The following FYN variants were observed in gnomAD, a reference collection of about 807,000 sequenced individuals.
FYN encodes FYN proto-oncogene, Src family tyrosine kinase.
Under a neutral mutation model 70.2 loss-of-function variants are expected in FYN, and 10 were observed. The ratio of observed to expected loss-of-function variants is 0.14; its 90% CI spans 0.09 to 0.24. The LOEUF (loss-of-function observed/expected upper bound fraction) is 0.24, where lower values mean the gene tolerates loss of function less well. Among genes scored for constraint, FYN ranks in the 10% least tolerant of loss-of-function variants. The pLI is 1.00. For missense variants in FYN, 319 were observed against 673.1 expected (o/e 0.47, Z 5.82); for synonymous variants, 236 against 248.6 (o/e 0.95, Z 0.48).
chr6:111,754,666 T>G (rs895116340), intron 3 of FYN: 1 of 152,216 alleles, frequency 6.6e-6, no homozygotes, highest in Non-Finnish European at 1.5e-5. Flanking sequence ...TCGCTCATTC[T>G]CATTTGCTTT....
At chr6:111,831,484 G>T (rs1773015796) in intron 2 of FYN, among the ~76,000 whole-genome samples, 1 of 152,064 alleles carries the variant, frequency 6.6e-6, no homozygotes, top group East Asian at 1.9e-4. Flanking sequence ...TAGCACAAGG[G>T]TACCTGGCTC....
intron 5 of FYN, chr6:111,708,279 T>G: frequency 2.6e-6 from 1 of 378,986 alleles, no homozygotes; most frequent in South Asian, 3.9e-5. Flanking sequence ...CCATGAGAAG[T>G]CTCTCTTGGT....
chr6:111,850,877 C>T (rs1161961865), intron 1 of FYN, among the ~76,000 whole-genome samples: 1 of 152,204 alleles, frequency 6.6e-6, no homozygotes, highest in African/African-American at 2.4e-5. Flanking sequence ...CAGACAAGGC[C>T]CTCTGTTGTG....
chr6:111,692,733 T>G (rs1468994818), intron 12 of FYN, among the ~76,000 whole-genome samples: 1 of 152,212 alleles, frequency 6.6e-6, no homozygotes, highest in East Asian at 1.9e-4. Context: ...TCTCACAACC[T>G]TTGCCCACTC....
intron 13 of FYN, 123 bp from the exon 14 acceptor site, chr6:111,662,070 T>G: frequency 1.4e-6 from 1 of 731,258 alleles, no homozygotes; most frequent in Non-Finnish European, 2.2e-6. Flanking sequence ...AGTACTCCCA[T>G]CCCCCCAGGA....
intron 12 of FYN, among the ~76,000 whole-genome samples, chr6:111,690,260 T>C (rs1799257286): frequency 6.6e-6 from 1 of 152,000 alleles, no homozygotes; most frequent in South Asian, 2.1e-4. Flanking sequence ...GGGAAGAAGG[T>C]GCAGTGGTGG....
intron 1 of FYN, among the ~76,000 whole-genome samples, chr6:111,859,484 T>A (rs2114514768): frequency 6.6e-6 from 1 of 152,316 alleles, no homozygotes; most frequent in African/African-American, 2.4e-5. Context: ...CACTCTCCCT[T>A]CTTCAAATCT....
At chr6:111,732,126 C>G (rs1745898685) in intron 3 of FYN, among the ~76,000 whole-genome samples, 1 of 152,210 alleles carries the variant, frequency 6.6e-6, no homozygotes, top group South Asian at 2.1e-4. Flanking sequence ...TACTTAACAC[C>G]TGATGGAAAC....
At chr6:111,697,931 A>G (rs891210399) in intron 9 of FYN, among the ~76,000 whole-genome samples, 1 of 152,244 alleles carries the variant, frequency 6.6e-6, no homozygotes, top group Admixed American at 6.5e-5. Context: ...AGGAGGTCAT[A>G]TATTTTACGA....
intron 13 of FYN, among the ~76,000 whole-genome samples, chr6:111,668,559 G>A (rs9487704): frequency 0.058 from 8,802 of 150,796 alleles, 377 homozygotes; most frequent in African/African-American, 0.12. Flanking sequence ...GGAAGGCCCC[G>A]GAACTGCACC....
At chr6:111,814,861 C>T (rs977439599) in intron 2 of FYN, among the ~76,000 whole-genome samples, 2 of 152,126 alleles carry the variant, frequency 1.3e-5, no homozygotes, top group Non-Finnish European at 2.9e-5. Context: ...CTGTTGAACA[C>T]GTATGCATGA....
At position 111,700,964 on chromosome 6, in the gene FYN, T is replaced by C. The variant is rs550512960; in HGVS notation, c.698-696A>G. On this transcript the variant is annotated intron_variant, in intron 8 of 13. Transcript: ENST00000354650. The stretch of plus-strand genomic sequence containing the variant: ...ACCATGTCAGATACTCCTGGGCTGC[T>C]TCTTGGATATTTTCCATTAAAAAAA... Among the ~76,000 whole-genome samples, 7 of 152,000 alleles carry C rather than the reference T, an allele frequency of 4.6e-5. No individual in the cohort carries two copies. In the South Asian group the frequency reaches 1.2e-3, roughly 27 times the overall value.
chr6:111,765,107 A>G (rs1327475774), intron 3 of FYN, among the ~76,000 whole-genome samples: 4 of 152,126 alleles, frequency 2.6e-5, no homozygotes, highest in Non-Finnish European at 4.4e-5. Context: ...GAATGAGGCC[A>G]GGAACGAATG....
chr6:111,750,792 T>C (rs972588034), intron 3 of FYN, among the ~76,000 whole-genome samples: 4 of 151,028 alleles, frequency 2.6e-5, no homozygotes, highest in African/African-American at 7.3e-5. Context: ...ACAAAGGGCA[T>C]GCGTTCCCGC....
chr6:111,843,972 C>CA (rs2114469658), intron 2 of FYN, among the ~76,000 whole-genome samples: 1 of 152,190 alleles, frequency 6.6e-6, no homozygotes, highest in South Asian at 2.1e-4. Context: ...AAAAATAAGG[C>CA]ACACAAACAT....
intron 1 of FYN, among the ~76,000 whole-genome samples, chr6:111,861,145 T>C (rs903261351): frequency 3.7e-4 from 55 of 147,424 alleles, no homozygotes; most frequent in African/African-American, 1.4e-3. Flanking sequence ...TGAAAACATA[T>C]GTAAAACCTC....
intron 2 of FYN, among the ~76,000 whole-genome samples, chr6:111,793,235 C>T (rs1284392129): frequency 6.6e-6 from 1 of 152,170 alleles, no homozygotes; most frequent in Non-Finnish European, 1.5e-5. Flanking sequence ...CAGGCCAAAG[C>T]TATTTTATTA....
intron 3 of FYN, among the ~76,000 whole-genome samples, chr6:111,742,038 C>A (rs1048356848): frequency 2.0e-5 from 3 of 152,186 alleles, no homozygotes; most frequent in African/African-American, 7.2e-5. Context: ...AAAACCCTAG[C>A]TTTCACACCC....
chr6:111,664,476 A>T (rs1421790507), intron 13 of FYN, among the ~76,000 whole-genome samples: 2 of 151,650 alleles, frequency 1.3e-5, no homozygotes, highest in Admixed American at 6.6e-5. Flanking sequence ...GATTTCACTT[A>T]AAAAAAAAGT....
Sources: gnomAD v4.1 joint callset for allele counts (sites outside exome capture counted in the v4.1 genomes callset) on GRCh38, gnomAD v4.1.1 for gene constraint, MANE v1.5 for transcripts, NCBI Gene and HGNC (gene_info 2026-07-23, HGNC 2026-07-21) for gene names.